The following NAGPA variants were observed in gnomAD, a reference collection of about 807,000 sequenced individuals.
The protein encoded by NAGPA is N-acetylglucosamine-1-phosphodiester alpha-N-acetylglucosaminidase.
NAGPA carries 56 observed loss-of-function variants against 48.5 expected under a neutral mutation model. The observed-to-expected ratio is 1.15, with a 90% CI of 0.93 to 1.44. The LOEUF (loss-of-function observed/expected upper bound fraction) is 1.44, where lower values mean the gene tolerates loss of function less well. Ranked by LOEUF, NAGPA falls within the 40% of genes most tolerant of loss-of-function variation. The pLI is 0.00. For synonymous variants in NAGPA, 399 were observed against 315.5 expected, an observed-to-expected ratio of 1.26 and a Z score of -2.81; for missense variants, 888 against 735.0, an observed-to-expected ratio of 1.21 and a Z score of -2.41.
chr16:5,025,823 G>C (rs953688565), intron 9 of NAGPA, 138 bp from the exon 10 acceptor site: 1 of 852,778 alleles, frequency 1.2e-6, no homozygotes, highest in Non-Finnish European at 1.9e-6. Flanking sequence ...GGAATGTTAT[G>C]AGCAAAATGG....
rs1361908653 is a variant in NAGPA at position 5,033,400 on chromosome 16, C to T, written c.415G>A (p.Gly139Ser). 1 of 1,597,060 alleles carries T rather than the reference C, an allele frequency of 6.3e-7. No individual in the cohort carries two copies. Among genetic ancestry groups the T allele is most frequent in the Non-Finnish European group, 8.5e-7 (1 of 1,179,366 alleles). The stretch of plus-strand genomic sequence containing the variant: ...TCGCCCGAGTTCATGCGGAAGAAGC[C>T]GCCGTTCTGGGCGACACGGCAGTCG... Reference protein sequence around the residue: ...AADCRVAQNGGFFRMNSGECL... With the variant: ...AADCRVAQNGSFFRMNSGECL... The change falls in exon 2 of 10, where the codon GGC (glycine) becomes AGC (serine). Residue 139 changes from glycine (G) to serine (S), a missense_variant. By Grantham distance (56) the Gly-to-Ser change is moderately conservative. Transcript: ENST00000312251. This position sits in a 1 kb window ranked among gnomAD's most constrained non-coding sequence, Gnocchi z 4.2.
chr16:5,028,591 T>G (rs1262942083), intron 5 of NAGPA: 2 of 553,032 alleles, frequency 3.6e-6, no homozygotes, highest in East Asian at 3.4e-5. Context: ...GCCCTGGGCC[T>G]TTCACATGTG....
intron 2 of NAGPA, among the ~76,000 whole-genome samples, chr16:5,032,369 A>G (rs1956115733): frequency 6.6e-6 from 1 of 152,164 alleles, no homozygotes; most frequent in Admixed American, 6.5e-5. Context: ...CAAATCATCA[A>G]TCTTGCCAGG....
At chr16:5,028,687 G>C (rs1278253856) in intron 5 of NAGPA, 193 bp downstream of exon 5, 8 of 807,714 alleles carry the variant, frequency 9.9e-6, no homozygotes, top group Non-Finnish European at 1.7e-5. Flanking sequence ...TCCTCAGGGA[G>C]GTCTTTGCTG....
Position 5,033,638 on chromosome 16 carries a change from G to A in NAGPA, c.177C>T (p.Arg59=). The A allele has an allele frequency of 6.5e-7, 1 of 1,535,616 alleles. No homozygotes were observed. Among genetic ancestry groups the A allele is most frequent in the Non-Finnish European group, 8.7e-7 (1 of 1,152,746 alleles). Residue 59 remains arginine, a synonymous_variant, in exon 2 of 10, where the codon CGC becomes CGT. Coordinates refer to ENST00000312251, the MANE Select transcript of NAGPA (RefSeq NM_016256.4). This position sits in a 1 kb window ranked among gnomAD's most constrained non-coding sequence, Gnocchi z 4.2. ...RDCTRVRAGN[R]EHESWPPPPA... is the part of the protein sequence containing the mutation. ...GAGGCGGAGGCCAACTCTCGTGCTC[G>A]CGGTTGCCGGCGCGCACCCGTGTGC... is the stretch of plus-strand genomic sequence containing the variant.
chr16:5,032,425 GT>G (rs1431069264), intron 2 of NAGPA, among the ~76,000 whole-genome samples: 1 of 152,136 alleles, frequency 6.6e-6, no homozygotes, highest in Non-Finnish European at 1.5e-5. Flanking sequence ...GGAGGCTGAG[GT>G]GGGTGGATCA....
chr16:5,028,776 C>G, intron 5 of NAGPA, 104 bp downstream of exon 5: 2 of 1,575,044 alleles, frequency 1.3e-6, no homozygotes, highest in Non-Finnish European at 8.7e-7. Flanking sequence ...CTCTCTTGAA[C>G]CCCCGGGGCC....
In NAGPA at chr16:5,025,652, G is replaced by A. The variant is rs765813927; in HGVS notation, c.1374C>T (p.Ala458=). 3.1e-6 allele frequency: 5 copies of A among 1,613,356 alleles called. No individual in the cohort carries two copies. Among genetic ancestry groups the A allele is most frequent in the Non-Finnish European group, 3.4e-6 (4 of 1,179,816 alleles). ...CTGCAGTGCTGATCAGCAGGAGGAA[G>A]GCCAGCGCCAGGGTGAGGGCTAGCC... is the stretch of plus-strand genomic sequence containing the variant. ...TAWLALTLAL[A]FLLLISTAAN... Residue 458 remains alanine, a synonymous_variant, in exon 10 of 10, where the codon GCC becomes GCT. Coordinates refer to ENST00000312251, the MANE Select transcript of NAGPA (RefSeq NM_016256.4).
At position 5,027,361 on chromosome 16, in the gene NAGPA, T is replaced by C; in HGVS notation, c.1193A>G (p.His398Arg). ...NCSEECPLGW[H>R]GPGCQRPCKC... ...ACAAGGCCTCTGGCAGCCCGGCCCA[T>C]GCCAGCCAAGGGGACACTCTATGGA... The change falls in exon 8 of 10, where the codon CAT (histidine) becomes CGT (arginine). Residue 398 changes from histidine (H) to arginine (R), a missense_variant. Coordinates refer to ENST00000312251, the MANE Select transcript of NAGPA (RefSeq NM_016256.4). The C allele has an allele frequency of 6.2e-7, 1 of 1,613,794 alleles. No individual in the cohort carries two copies. The highest frequency in any genetic ancestry group is 1.7e-5 in the Admixed American group (1 of 59,998).
chr16:5,027,071 G>A (rs746980603), intron 9 of NAGPA, 64 bp downstream of exon 9: 9 of 1,586,062 alleles, frequency 5.7e-6, no homozygotes, highest in Non-Finnish European at 6.9e-6. Context: ...CCTCACAGGG[G>A]AAGGGTGCGG....
At position 5,033,027 on chromosome 16, in the gene NAGPA, C is replaced by T; in HGVS notation, c.542+246G>A. ...TGATTTTTCTAGTAATGGGGGAGGG[C>T]TGTTAAGGCAAAGACTGTGTTGTTC... On this transcript the variant is annotated intron_variant, in intron 2 of 9. Transcript: ENST00000312251. This position sits in a 1 kb window ranked among gnomAD's most constrained non-coding sequence, Gnocchi z 4.2. The T allele has an allele frequency of 1.7e-6, 1 of 585,254 alleles. No individual in the cohort carries two copies. 36.3% of individuals were successfully genotyped at this position (585,254 alleles called of 1,614,324 possible).
Position 5,033,558 on chromosome 16 carries a change from C to G in NAGPA, c.257G>C (p.Arg86Thr). ...LAVRTFVSHF[R>T]DRAVAGHLTR... ...CAGGTGGCCGGCCACCGCGCGGTCCCTGAAGTGCGACACGAAGGTGCGCAC... is the reference window on the plus strand; with the variant it reads ...CAGGTGGCCGGCCACCGCGCGGTCCGTGAAGTGCGACACGAAGGTGCGCAC... The change falls in exon 2 of 10, where the codon AGG (arginine) becomes ACG (threonine). Residue 86 changes from arginine (R) to threonine (T), a missense_variant. Physicochemically the swap from Arg to Thr is moderately conservative, Grantham distance 71. Coordinates refer to ENST00000312251, the MANE Select transcript of NAGPA (RefSeq NM_016256.4). The surrounding 1 kb of genome is among the most constrained non-coding windows in gnomAD (Gnocchi z 4.2). 1 of 1,506,258 alleles carries G rather than the reference C, an allele frequency of 6.6e-7. No individual in the cohort carries two copies. The highest frequency in any genetic ancestry group is 8.8e-7 in the Non-Finnish European group (1 of 1,136,852). The allele number at this position is 1,506,258 out of a possible 1,614,324, so 93.3% of individuals were successfully genotyped here.
Position 5,025,428 on chromosome 16 carries a change from C to G in NAGPA, c.*50G>C. Reference sequence around the variant, plus strand: ...TGAAATTTCCCCTGCAGAAGCCAGACCGTGGGGAAACAAGCTTTCGCGACG... The same window carrying G: ...TGAAATTTCCCCTGCAGAAGCCAGAGCGTGGGGAAACAAGCTTTCGCGACG... On this transcript the variant is annotated 3_prime_UTR_variant, in exon 10 of 10. Coordinates refer to ENST00000312251, the MANE Select transcript of NAGPA (RefSeq NM_016256.4). 6.2e-7 allele frequency: 1 copy of G among 1,601,700 alleles called. No individual in the cohort carries two copies. The highest frequency in any genetic ancestry group is 8.5e-7 in the Non-Finnish European group (1 of 1,172,710).
At position 5,033,125 on chromosome 16, in the gene NAGPA, A is replaced by G. The variant is rs1443309420; in HGVS notation, c.542+148T>C. 5.3e-6 allele frequency: 5 copies of G among 935,430 alleles called. No homozygotes were observed. Among genetic ancestry groups the G allele is most frequent in the Non-Finnish European group, 8.1e-6 (5 of 617,796 alleles). 57.9% of individuals were successfully genotyped at this position (935,430 alleles called of 1,614,324 possible). On this transcript the variant is annotated intron_variant, in intron 2 of 9. Coordinates refer to ENST00000312251, the MANE Select transcript of NAGPA (RefSeq NM_016256.4). This position sits in a 1 kb window ranked among gnomAD's most constrained non-coding sequence, Gnocchi z 4.2. ...CTCAATGATACTGGATGATGAATAA[A>G]CTCTGCAAGGAAGCGATTCCTATCC... is the stretch of plus-strand genomic sequence containing the variant.
chr16:5,025,247 G>A lies in NAGPA; in HGVS notation c.*231C>T, dbSNP rs15951. 309,618 of 592,566 alleles carry A rather than the reference G, an allele frequency of 0.52. 83,528 individuals carry two copies. Among genetic ancestry groups the A allele is most frequent in the African/African-American group, 0.69 (36,976 of 53,746 alleles). 36.7% of individuals were successfully genotyped at this position (592,566 alleles called of 1,614,324 possible). On this transcript the variant is annotated 3_prime_UTR_variant, in exon 10 of 10. Coordinates refer to ENST00000312251, the MANE Select transcript of NAGPA (RefSeq NM_016256.4). ...CTCGGCAGCAGACACAGGCAGGCCA[G>A]AAGCAGGCAGCTGAGCCTCTCCAGC...
At chr16:5,028,271 C>T in intron 5 of NAGPA, 86 bp from the exon 6 acceptor site, 1 of 1,546,466 alleles carries the variant, frequency 6.5e-7, no homozygotes, top group African/African-American at 1.4e-5. Flanking sequence ...ACCCCTCTCT[C>T]CATTCTCACC....
Position 5,033,438 on chromosome 16 carries a change from G to C in NAGPA, c.377C>G (p.Thr126Arg). Residue 126 changes from threonine (T) to arginine (R), a missense_variant, in exon 2 of 10, where the codon ACG (threonine) becomes AGG (arginine). Thr to Arg is a moderately conservative substitution (Grantham distance 71). Coordinates refer to ENST00000312251, the MANE Select transcript of NAGPA (RefSeq NM_016256.4). The surrounding 1 kb of genome is among the most constrained non-coding windows in gnomAD (Gnocchi z 4.2). ...AARRRATVEE[T>R]ARAADCRVAQ... ...GACACGGCAGTCGGCCGCCCGCGCCGTCTCCTCCACGGTGGCGCGTCGTCT... is the reference window on the plus strand; with the variant it reads ...GACACGGCAGTCGGCCGCCCGCGCCCTCTCCTCCACGGTGGCGCGTCGTCT... 3.1e-6 allele frequency: 5 copies of C among 1,593,242 alleles called. No individual in the cohort carries two copies. The highest frequency in any genetic ancestry group is 4.2e-6 in the Non-Finnish European group (5 of 1,177,770).
At chr16:5,031,596 A>G in intron 3 of NAGPA, 149 bp downstream of exon 3, 1 of 1,044,954 alleles carries the variant, frequency 9.6e-7, no homozygotes, top group Non-Finnish European at 1.5e-6. Flanking sequence ...ATATAAGCCT[A>G]TCTTCCTCCC....
At chr16:5,025,720 G>C in intron 9 of NAGPA, 35 bp from the exon 10 acceptor site, 1 of 1,562,196 alleles carries the variant, frequency 6.4e-7, no homozygotes, top group Non-Finnish European at 8.7e-7. Flanking sequence ...GTGGGGGACT[G>C]CTGGGTGGGC....
Sources: gnomAD v4.1 joint callset for allele counts (sites outside exome capture counted in the v4.1 genomes callset) on GRCh38, gnomAD v4.1.1 for gene constraint, Gnocchi (gnomAD v3.1) non-coding constraint, MANE v1.5 for transcripts, NCBI Gene and HGNC (gene_info 2026-07-23, HGNC 2026-07-21) for gene names.